The following BNC2 variants were observed in gnomAD, a reference collection of about 807,000 sequenced individuals.
BNC2 encodes the protein basonuclin zinc finger protein 2, also known as zinc finger protein basonuclin-2.
A neutral mutation model predicts 76.3 loss-of-function variants in BNC2; 20 were observed. That is an observed-to-expected ratio of 0.26 (90% CI 0.18 to 0.38). The LOEUF is 0.38. Among genes scored for constraint, BNC2 ranks in the 10% least tolerant of loss-of-function variants. BNC2 has a pLI of 1.00. For missense variants in BNC2, 1,382 were observed against 1,399.8 expected, an observed-to-expected ratio of 0.99 and a Z score of 0.20; for synonymous variants, 582 against 514.8, an observed-to-expected ratio of 1.13 and a Z score of -1.77.
At chr9:16,648,836 GT>G (rs1202322066) in intron 3 of BNC2, among the ~76,000 whole-genome samples, 5 of 152,154 alleles carry the variant, frequency 3.3e-5, no homozygotes, top group Non-Finnish European at 7.4e-5. Context: ...ATTAGGAATA[GT>G]TTTTTAGCAG....
In BNC2 at chr9:16,640,030, A is replaced by G. The variant is rs1239029484; in HGVS notation, c.331-56945T>C. ...TTGATTTTTACAGATCTATGAACCC[A>G]TTTCTATTATAGCTCTTCTAAAGAT... On this transcript the variant is annotated intron_variant, in intron 3 of 6. Coordinates refer to ENST00000380672, the MANE Select transcript of BNC2 (RefSeq NM_017637.6). Among the ~76,000 whole-genome samples the G allele has an allele frequency of 2.6e-5, 4 of 152,122 alleles. No homozygotes were observed. The East Asian group carries it at 5.8e-4, about 22-fold the overall frequency.
intron 5 of BNC2, among the ~76,000 whole-genome samples, chr9:16,475,773 A>T (rs937437641): frequency 3.9e-5 from 6 of 152,214 alleles, no homozygotes; most frequent in Admixed American, 2.6e-4. Context: ...AAAGTCTCCA[A>T]ACTGCCTACT....
chr9:16,658,394 T>C (rs10756776), intron 3 of BNC2, among the ~76,000 whole-genome samples: 98,283 of 151,972 alleles, frequency 0.65, 32,158 homozygotes, highest in East Asian at 0.86. Flanking sequence ...TTCCTAAATG[T>C]CACTGTGAAA....
intron 5 of BNC2, among the ~76,000 whole-genome samples, chr9:16,487,940 T>A (rs1464429606): frequency 4.6e-5 from 7 of 152,212 alleles, no homozygotes; most frequent in Non-Finnish European, 8.8e-5. Flanking sequence ...GGACAAGATT[T>A]AAGTTTAGAA....
intron 5 of BNC2, among the ~76,000 whole-genome samples, chr9:16,457,919 C>G (rs1821489759): frequency 6.6e-6 from 1 of 152,106 alleles, no homozygotes; most frequent in Admixed American, 6.5e-5. Flanking sequence ...ATCTGCATCC[C>G]CACTGCCATC....
At chr9:16,740,183 GAAC>G (rs1367697631) in intron 1 of BNC2, among the ~76,000 whole-genome samples, 1 of 152,176 alleles carries the variant, frequency 6.6e-6, no homozygotes, top group East Asian at 1.9e-4. Context: ...AAATGATCTA[GAAC>G]AACAAGACTT....
At chr9:16,448,508 C>A (rs553444492) in intron 5 of BNC2, among the ~76,000 whole-genome samples, 66 of 152,188 alleles carry the variant, frequency 4.3e-4, no homozygotes, top group African/African-American at 1.6e-3. Context: ...TTCTCCTTCA[C>A]ATATTATACT....
At chr9:16,756,800 T>C (rs368921156) in intron 1 of BNC2, among the ~76,000 whole-genome samples, 4 of 152,168 alleles carry the variant, frequency 2.6e-5, no homozygotes, top group African/African-American at 9.6e-5. Context: ...ATATCCTGGC[T>C]AACACAGTGA....
intron 1 of BNC2, among the ~76,000 whole-genome samples, chr9:16,851,039 T>A (rs867205667): frequency 2.6e-5 from 4 of 152,290 alleles, no homozygotes; most frequent in Middle Eastern, 3.4e-3. Context: ...CTAGGGTGAC[T>A]ATTTTATAAA....
Position 16,419,264 on chromosome 9 carries a change from G to T in BNC2, c.3025C>A (p.Pro1009Thr), listed in dbSNP as rs139357194. Residue 1009 changes from proline (P) to threonine (T), a missense_variant, in exon 7 of 7, where the codon CCT (proline) becomes ACT (threonine). Around this residue, in one of 3 missense-constraint regions of BNC2, gnomAD observed 798 missense variants for 775.5 expected, o/e 1.03. Coordinates refer to ENST00000380672, the MANE Select transcript of BNC2 (RefSeq NM_017637.6). ...GCCCCTAGGCTGCCAGGGAGGGCAG[G>T]GGCCTCGGCCTTGTGTGCCGACTCC... ...SGESAHKAEAPALPGSLGAEV... is the reference protein window; with the variant it reads ...SGESAHKAEATALPGSLGAEV... 3.1e-6 allele frequency: 5 copies of T among 1,614,186 alleles called. No homozygotes were observed. Among genetic ancestry groups the T allele is most frequent in the East Asian group, 2.2e-5 (1 of 44,854 alleles).
At position 16,793,860 on chromosome 9, in the gene BNC2, G is replaced by GTTT. The variant is rs377349585; in HGVS notation, c.4-55378_4-55376dup. 6.5e-4 allele frequency among the ~76,000 whole-genome samples: 63 copies of GTTT among 97,322 alleles called. 9 individuals are homozygous for GTTT. Among genetic ancestry groups the GTTT allele is most frequent in the South Asian group, 2.4e-3 (6 of 2,542 alleles). The allele number at this position is 97,322 out of a possible 152,430, so 63.8% of individuals were successfully genotyped here. ...CTAGTTTTTGTTTTTTGTGGTTTTT[G>GTTT]TTTTTTTGTTTTTTTTTTTTTTTAG... On this transcript the variant is annotated intron_variant, in intron 1 of 6. Coordinates refer to ENST00000380672, the MANE Select transcript of BNC2 (RefSeq NM_017637.6).
rs145494443 is a variant in BNC2 at position 16,567,399 on chromosome 9, A to G, written c.434-14634T>C. On this transcript the variant is annotated intron_variant, in intron 4 of 6. Transcript: ENST00000380672. ...TATAAAATTCAGTTTTCAAATGTAT[A>G]AAATAGTGCTGGGGGTGGGTGAGGG... Among the ~76,000 whole-genome samples, 293 of 152,340 alleles carry G rather than the reference A, an allele frequency of 1.9e-3. 1 individual carries two copies. Among genetic ancestry groups the G allele is most frequent in the Admixed American group, 3.5e-3 (54 of 15,292 alleles).
At position 16,847,541 on chromosome 9, in the gene BNC2, G is replaced by T. The variant is rs112072222; in HGVS notation, c.3+23105C>A. Among the ~76,000 whole-genome samples the T allele has an allele frequency of 4.8e-3, 737 of 152,006 alleles. 1 individual carries two copies. Among genetic ancestry groups the T allele is most frequent in the African/African-American group, 0.017 (689 of 41,496 alleles). On this transcript the variant is annotated intron_variant, in intron 1 of 6. Coordinates refer to ENST00000380672, the MANE Select transcript of BNC2 (RefSeq NM_017637.6). The stretch of plus-strand genomic sequence containing the variant: ...AAACACGTTTAGGAAATTTTGAAGT[G>T]CTAGTCACAGGTTTTTCAATCAGGA...
chr9:16,733,866 A>G (rs1423364774), intron 2 of BNC2, among the ~76,000 whole-genome samples: 4 of 151,918 alleles, frequency 2.6e-5, no homozygotes, highest in Non-Finnish European at 4.4e-5. Flanking sequence ...CCTGGGCAAA[A>G]AGAGGGAAAC....
intron 5 of BNC2, among the ~76,000 whole-genome samples, chr9:16,530,105 C>T (rs1256560805): frequency 2.6e-5 from 4 of 151,752 alleles, no homozygotes; most frequent in East Asian, 1.9e-4. Flanking sequence ...CTGCCTACTT[C>T]GGCCTCCCAA....
intron 3 of BNC2, among the ~76,000 whole-genome samples, chr9:16,670,413 C>A (rs1822441170): frequency 6.6e-6 from 1 of 152,156 alleles, no homozygotes; most frequent in African/African-American, 2.4e-5. Flanking sequence ...CTTCTGGGCT[C>A]AAGTCATCTT....
At chr9:16,836,790 ACC>A (rs1818717962) in intron 1 of BNC2, among the ~76,000 whole-genome samples, 1 of 152,116 alleles carries the variant, frequency 6.6e-6, no homozygotes, top group African/African-American at 2.4e-5. Flanking sequence ...AGAAGAACCA[ACC>A]TCAAAAAAAT....
intron 1 of BNC2, among the ~76,000 whole-genome samples, chr9:16,783,898 C>T (rs1049619605): frequency 6.6e-6 from 1 of 152,028 alleles, no homozygotes; most frequent in African/African-American, 2.4e-5. Context: ...TTTTAAAATT[C>T]TTTTATATTT....
chr9:16,510,591 C>T (rs1822730810), intron 5 of BNC2, among the ~76,000 whole-genome samples: 2 of 152,226 alleles, frequency 1.3e-5, no homozygotes, highest in South Asian at 4.1e-4. Flanking sequence ...AGACCTAAAA[C>T]TTGGTTAATT....
Sources: gnomAD v4.1 joint callset for allele counts (sites outside exome capture counted in the v4.1 genomes callset) on GRCh38, gnomAD v4.1.1 for gene constraint, gnomAD v4.1.1 regional missense constraint, MANE v1.5 for transcripts, NCBI Gene and HGNC (gene_info 2026-07-23, HGNC 2026-07-21) for gene names.